Variants in HNRNPD observed in about 807,000 individuals in gnomAD.
HNRNPD encodes heterogeneous nuclear ribonucleoprotein D0.
HNRNPD carries 3 observed loss-of-function variants against 47.9 expected under a neutral mutation model. The observed-to-expected ratio is 0.06, with a 90% CI of 0.03 to 0.16. The LOEUF (loss-of-function observed/expected upper bound fraction) is 0.16, where lower values mean the gene tolerates loss of function less well. Ranked by LOEUF, HNRNPD falls within the 10% of genes least tolerant of loss-of-function variation. HNRNPD has a pLI of 1.00. For missense variants in HNRNPD, 287 were observed against 454.2 expected, an observed-to-expected ratio of 0.63 and a Z score of 3.35; for synonymous variants, 171 against 165.1, an observed-to-expected ratio of 1.04 and a Z score of -0.28.
intron 8 of HNRNPD, 157 bp downstream of exon 8, chr4:82,355,147 G>C: frequency 1.6e-6 from 1 of 606,848 alleles, no homozygotes; most frequent in Non-Finnish European, 2.9e-6. Flanking sequence ...AAGCTTAAGA[G>C]CACCTGTGTT....
intron 2 of HNRNPD, among the ~76,000 whole-genome samples, chr4:82,361,083 A>G (rs1560435415): frequency 6.6e-6 from 1 of 152,218 alleles, no homozygotes; most frequent in Non-Finnish European, 1.5e-5. Flanking sequence ...GCATTTTATA[A>G]TCAAATGAAC....
In HNRNPD at chr4:82,373,436, C is replaced by A; in HGVS notation, c.233+10G>T. 6.4e-7 allele frequency: 1 copy of A among 1,572,286 alleles called. No homozygotes were observed. The highest frequency in any genetic ancestry group is 8.6e-7 in the Non-Finnish European group (1 of 1,157,446). ...TTGGGCCTGACTATCCTGGGATGCC[C>A]CTTACTCACCCTTCATCCTCCTCGT... On this transcript the variant is annotated intron_variant, in intron 1 of 8. Coordinates refer to ENST00000313899, the MANE Select transcript of HNRNPD (RefSeq NM_031370.3).
chr4:82,373,490 C>A lies in HNRNPD; in HGVS notation c.189G>T (p.Ser63=). 6.4e-7 allele frequency: 1 copy of A among 1,552,462 alleles called. No individual in the cohort carries two copies. Among genetic ancestry groups the A allele is most frequent in the South Asian group, 1.2e-5 (1 of 84,276 alleles). ...TACTGGCGTCAATCTTCGCCCCCTC[C>A]GACTCGGCGCTGCCCCCTTCGGTGC... ...SGGTEGGSAE[S]EGAKIDASKN... is the part of the protein sequence containing the mutation. Residue 63 remains serine (S), a synonymous_variant, in exon 1 of 9, where the codon TCG becomes TCT. Transcript: ENST00000313899.
rs923168035 is a variant in HNRNPD, at chr4:82,373,917, T to A, written c.-239A>T. 1 of 995,492 alleles carries A rather than the reference T, an allele frequency of 1.0e-6. No homozygotes were observed. The highest frequency in any genetic ancestry group is 1.4e-6 in the Non-Finnish European group (1 of 724,242). 61.7% of individuals were successfully genotyped at this position (995,492 alleles called of 1,614,324 possible). ...TCTCTCCCGCTGCACTAAAAAAGAATAAGCACCAGCGGCGGCCGCTCTCGC... is the reference window on the plus strand; with the variant it reads ...TCTCTCCCGCTGCACTAAAAAAGAAAAAGCACCAGCGGCGGCCGCTCTCGC... On this transcript the variant is annotated 5_prime_UTR_variant, in exon 1 of 9. Transcript: ENST00000313899.
chr4:82,369,093 A>G (rs1719903866), intron 2 of HNRNPD, among the ~76,000 whole-genome samples: 1 of 152,216 alleles, frequency 6.6e-6, no homozygotes, highest in African/African-American at 2.4e-5. Context: ...TTAACACAAC[A>G]TTGTAGTTTC....
chr4:82,370,981 TACAC>T (rs1553896641), intron 2 of HNRNPD, among the ~76,000 whole-genome samples: 42 of 149,460 alleles, frequency 2.8e-4, no homozygotes, highest in South Asian at 1.7e-3. Context: ...GGTATATATA[TACAC>T]ACACACACAC....
chr4:82,355,706 G>T, intron 7 of HNRNPD: 1 of 359,440 alleles, frequency 2.8e-6, no homozygotes. Flanking sequence ...ACAACCACCA[G>T]CAAAAAATAT....
intron 1 of HNRNPD, among the ~76,000 whole-genome samples, chr4:82,371,928 C>T (rs1366367291): frequency 6.6e-6 from 1 of 152,062 alleles, no homozygotes; most frequent in Non-Finnish European, 1.5e-5. Flanking sequence ...CTTCCCTTCC[C>T]ACCACCACTC....
chr4:82,358,323 C>T (rs1011174611), intron 4 of HNRNPD: 4 of 208,628 alleles, frequency 1.9e-5, no homozygotes, highest in African/African-American at 4.7e-5. Context: ...TAAGGCACTA[C>T]ACCCTATTCT....
chr4:82,358,650 A>C lies in HNRNPD; in HGVS notation c.621+9T>G. ...TGACATAAACTGGGTCAAAACATTT[A>C]TAACATACCTCACCAAAACCACCAA... is the stretch of plus-strand genomic sequence containing the variant. On this transcript the variant is annotated intron_variant, in intron 4 of 8. Transcript: ENST00000313899. The C allele has an allele frequency of 1.3e-6, 2 of 1,598,562 alleles. No homozygotes were observed. Among genetic ancestry groups the C allele is most frequent in the Admixed American group, 1.8e-5 (1 of 55,778 alleles).
intron 4 of HNRNPD, chr4:82,358,421 T>C (rs1723820329): frequency 2.7e-6 from 1 of 376,666 alleles, no homozygotes. Context: ...TTTGTCTATT[T>C]CATCTTTGTA....
chr4:82,356,889 T>C lies in HNRNPD; in HGVS notation c.760A>G (p.Ile254Val). 1 of 1,612,174 alleles carries C rather than the reference T, an allele frequency of 6.2e-7. No individual in the cohort carries two copies. The highest frequency in any genetic ancestry group is 8.5e-7 in the Non-Finnish European group (1 of 1,178,248). ...YHNVGLSKCE[I>V]KVAMSKEQYQ... ...TGTTCCTTCGACATGGCTACTTTTATTTCACACTAAAAGAGAAAAATTACA... is the reference window on the plus strand; with the variant it reads ...TGTTCCTTCGACATGGCTACTTTTACTTCACACTAAAAGAGAAAAATTACA... The change falls in exon 6 of 9, where the codon ATA becomes GTA. Residue 254 changes from isoleucine (I) to valine (V), a missense_variant. By Grantham distance (29) the Ile-to-Val change is conservative. Transcript: ENST00000313899.
chr4:82,372,814 G>A (rs1275624683), intron 1 of HNRNPD, among the ~76,000 whole-genome samples: 1 of 152,192 alleles, frequency 6.6e-6, no homozygotes, highest in Non-Finnish European at 1.5e-5. Flanking sequence ...AAAATGTAGG[G>A]CCTGTATGAG....
At chr4:82,366,995 C>G (rs896771177) in intron 2 of HNRNPD, among the ~76,000 whole-genome samples, 1 of 149,730 alleles carries the variant, frequency 6.7e-6, no homozygotes. Context: ...GATGTAACTA[C>G]AACTACAAAC....
In HNRNPD at chr4:82,373,478, C is replaced by T. The variant is rs1720223335; in HGVS notation, c.201G>A (p.Lys67=). The T allele has an allele frequency of 1.9e-6, 3 of 1,559,858 alleles. No individual in the cohort carries two copies. Among genetic ancestry groups the T allele is most frequent in the African/African-American group, 2.7e-5 (2 of 73,524 alleles). The change falls in exon 1 of 9, where the codon AAG becomes AAA. Residue 67 remains lysine, a synonymous_variant. Transcript: ENST00000313899. ...CCTCCTCGTTCTTACTGGCGTCAATCTTCGCCCCCTCCGACTCGGCGCTGC... is the reference window on the plus strand; with the variant it reads ...CCTCCTCGTTCTTACTGGCGTCAATTTTCGCCCCCTCCGACTCGGCGCTGC... ...EGGSAESEGA[K]IDASKNEEDE...
chr4:82,373,157 G>A (rs1181289473), intron 1 of HNRNPD: 2 of 632,532 alleles, frequency 3.2e-6, no homozygotes, highest in Admixed American at 2.1e-5. Context: ...GGCTAAGTCG[G>A]TGGGAGGAGA....
At position 82,357,362 on chromosome 4, in the gene HNRNPD, G is replaced by A. The variant is rs1360916033; in HGVS notation, c.704C>T (p.Pro235Leu). Residue 235 changes from proline (P) to leucine (L), a missense_variant, in exon 5 of 9, where the codon CCA becomes CTA. Pro to Leu is a moderately conservative substitution (Grantham distance 98, BLOSUM62 -3). Coordinates refer to ENST00000313899, the MANE Select transcript of HNRNPD (RefSeq NM_031370.3). ...TTTCTTTTCCATTATCTTCTTCACT[G>A]GTTCTTCTTCCTTAAAGGTAATAAA... is the stretch of plus-strand genomic sequence containing the variant. ...FCFITFKEEE[P>L]VKKIMEKKYH... 6.2e-7 allele frequency: 1 copy of A among 1,613,174 alleles called. No homozygotes were observed. Among genetic ancestry groups the A allele is most frequent in the African/African-American group, 1.3e-5 (1 of 74,972 alleles).
At chr4:82,368,503 GATTA>G (rs1444413220) in intron 2 of HNRNPD, among the ~76,000 whole-genome samples, 1 of 152,056 alleles carries the variant, frequency 6.6e-6, no homozygotes, top group Non-Finnish European at 1.5e-5. Context: ...TAAAAAACGA[GATTA>G]TTTTTAGTAT....
At chr4:82,363,069 T>C (rs1211098203) in intron 2 of HNRNPD, among the ~76,000 whole-genome samples, 20 of 151,350 alleles carry the variant, frequency 1.3e-4, no homozygotes, top group Admixed American at 1.3e-3. Context: ...TATATATACA[T>C]TTACAAATAC....
Sources: allele counts gnomAD v4.1 joint callset (sites outside exome capture counted in the v4.1 genomes callset), GRCh38; gene constraint gnomAD v4.1.1; transcripts MANE v1.5; gene names NCBI Gene and HGNC (gene_info 2026-07-23, HGNC 2026-07-21).